The following FMN2 variants were observed in gnomAD, a reference collection of about 807,000 sequenced individuals.
The protein encoded by FMN2 is formin-2.
In FMN2, 51 loss-of-function variants were observed where a neutral mutation model predicts 142.3. That is an observed-to-expected ratio of 0.36 (90% CI 0.29 to 0.45). FMN2 has a LOEUF of 0.45. Ranked by LOEUF, FMN2 falls within the 20% of genes least tolerant of loss-of-function variation. The pLI is 1.00. For synonymous variants in FMN2, 882 were observed against 869.8 expected, an observed-to-expected ratio of 1.01 and a Z score of -0.25; for missense variants, 1,936 against 2,122.8, an observed-to-expected ratio of 0.91 and a Z score of 1.73.
At chr1:240,202,181 G>A (rs1666151281) in intron 4 of FMN2, among the ~76,000 whole-genome samples, 1 of 152,180 alleles carries the variant, frequency 6.6e-6, no homozygotes, top group Admixed American at 6.5e-5. Context: ...GGGAAGGGGA[G>A]GATGGAGATT....
At chr1:240,169,266 G>A (rs10047167) in intron 2 of FMN2, among the ~76,000 whole-genome samples, 46,632 of 151,698 alleles carry the variant, frequency 0.31, 7,647 homozygotes, top group African/African-American at 0.44. Flanking sequence ...CCTCCTACAC[G>A]AGATATTCTG....
At chr1:240,131,088 A>G (rs1354713333) in intron 2 of FMN2, among the ~76,000 whole-genome samples, 2 of 152,190 alleles carry the variant, frequency 1.3e-5, no homozygotes, top group African/African-American at 2.4e-5. Context: ...TTTCTCAACT[A>G]TGCTGCAAGC....
chr1:240,164,662 G>T (rs1057024289), intron 2 of FMN2, among the ~76,000 whole-genome samples: 1 of 152,110 alleles, frequency 6.6e-6, no homozygotes, highest in African/African-American at 2.4e-5. Context: ...CTATCTTCTA[G>T]CTTTCAATGA....
chr1:240,167,641 A>G (rs541029173), intron 2 of FMN2, among the ~76,000 whole-genome samples: 1 of 152,214 alleles, frequency 6.6e-6, no homozygotes, highest in Non-Finnish European at 1.5e-5. Context: ...AGCTGTTTTA[A>G]TGGCTATGTT....
rs780928554 is a variant in FMN2 at position 240,207,189 on chromosome 1, C to A, written c.2377C>A (p.Arg793=). The A allele has an allele frequency of 1.2e-6, 2 of 1,613,958 alleles. No individual in the cohort carries two copies. Among genetic ancestry groups the A allele is most frequent in the South Asian group, 1.1e-5 (1 of 91,076 alleles). The change falls in exon 5 of 18, where the codon CGA becomes AGA. Residue 793 remains arginine, a synonymous_variant. Transcript: ENST00000319653. ...GATTTCTTTGATTGTGTCTCCAAGG[C>A]GAATATCAGTCCAGCTCGACAGCCA... ...SEISLIVSPR[R]ISVQLDSHQP... is the part of the protein sequence containing the mutation.
At chr1:240,163,539 A>G (rs1204613872) in intron 2 of FMN2, among the ~76,000 whole-genome samples, 2 of 152,146 alleles carry the variant, frequency 1.3e-5, no homozygotes, top group Admixed American at 6.6e-5. Flanking sequence ...TTTAAAATTT[A>G]CATGTTATAT....
intron 13 of FMN2, among the ~76,000 whole-genome samples, chr1:240,336,351 C>T (rs1333333491): frequency 6.6e-6 from 1 of 151,916 alleles, no homozygotes; most frequent in African/African-American, 2.4e-5. Flanking sequence ...TGAAGGTTTA[C>T]ACTTTATGTC....
chr1:240,282,469 A>G (rs1178656821), intron 7 of FMN2, among the ~76,000 whole-genome samples: 2 of 152,360 alleles, frequency 1.3e-5, no homozygotes, highest in East Asian at 3.9e-4. Flanking sequence ...ATAGAACGCC[A>G]CTATTTAAAT....
chr1:240,374,167 G>A (rs1672965098), intron 14 of FMN2, among the ~76,000 whole-genome samples: 1 of 152,150 alleles, frequency 6.6e-6, no homozygotes, highest in Non-Finnish European at 1.5e-5. Context: ...AAACCATGCT[G>A]TAAGCAGATG....
chr1:240,431,961 TATC>T (rs1319095321), intron 15 of FMN2, among the ~76,000 whole-genome samples: 1 of 151,774 alleles, frequency 6.6e-6, no homozygotes, highest in Non-Finnish European at 1.5e-5. Flanking sequence ...TAGTTTTCCA[TATC>T]AACATCAGGG....
intron 14 of FMN2, among the ~76,000 whole-genome samples, chr1:240,364,090 T>G (rs1464970043): frequency 6.6e-6 from 1 of 152,184 alleles, no homozygotes; most frequent in African/African-American, 2.4e-5. Flanking sequence ...AATTTTACTT[T>G]CGTGACTCTT....
chr1:240,222,078 C>T (rs1221631641), intron 6 of FMN2, among the ~76,000 whole-genome samples: 2 of 147,926 alleles, frequency 1.4e-5, no homozygotes, highest in Non-Finnish European at 3.0e-5. Context: ...AGGCTGGTCT[C>T]GAACTCCTGG....
At chr1:240,290,780 G>GTTTTTTTTTTTTTTTT (rs869026471) in intron 7 of FMN2, among the ~76,000 whole-genome samples, 6 of 100,192 alleles carry the variant, frequency 6.0e-5, no homozygotes, top group Non-Finnish European at 9.3e-5. Flanking sequence ...TGTTTGTTTG[G>GTTTTTTTTTTTTTTTT]TTTTTTTTTT....
rs1676877588 is a variant in FMN2, at chr1:240,473,531, C to T, written c.5143-597C>T. Among the ~76,000 whole-genome samples, 1 of 151,944 alleles carries T rather than the reference C, an allele frequency of 6.6e-6. No homozygotes were observed. The highest frequency in any genetic ancestry group is 1.5e-5 in the Non-Finnish European group (1 of 67,972). On this transcript the variant is annotated intron_variant, in intron 17 of 17. Coordinates refer to ENST00000319653, the MANE Select transcript of FMN2 (RefSeq NM_020066.5). The surrounding 1 kb of genome is among the most constrained non-coding windows in gnomAD (Gnocchi z 4.3). ...TAAAGGGAAAAGACATTAAAATAAC[C>T]CAAATTGGGATATGATTAAATAGCC...
rs1013986011 is a variant in FMN2 at position 240,144,318 on chromosome 1, C to T, written c.1782+20973C>T. On this transcript the variant is annotated intron_variant, in intron 2 of 17. Coordinates refer to ENST00000319653, the MANE Select transcript of FMN2 (RefSeq NM_020066.5). ...CCACTGCCCCCAAACCTGTTGTTCT[C>T]TAGGTGGGTTTTGTAGATGTCATCA... 3.1e-6 allele frequency: 5 copies of T among 1,607,024 alleles called. No individual in the cohort carries two copies. In the African/African-American group the frequency reaches 6.7e-5, roughly 21 times the overall value.
intron 1 of FMN2, among the ~76,000 whole-genome samples, chr1:240,112,288 C>T (rs1049298027): frequency 4.6e-5 from 7 of 152,100 alleles, no homozygotes; most frequent in African/African-American, 1.7e-4. Context: ...CGCACCACCA[C>T]ACCCAGCTAA....
chr1:240,367,575 T>G (rs1038640645), intron 14 of FMN2, among the ~76,000 whole-genome samples: 2 of 151,966 alleles, frequency 1.3e-5, no homozygotes, highest in African/African-American at 4.8e-5. Context: ...GAGACCATCC[T>G]GGCTAACACG....
intron 2 of FMN2, among the ~76,000 whole-genome samples, chr1:240,159,925 A>G (rs368291464): frequency 0.19 from 23,578 of 126,640 alleles, 2,210 homozygotes; most frequent in Middle Eastern, 0.28. Flanking sequence ...ATATATATAT[A>G]TATATATTTG....
chr1:240,441,237 C>T (rs1467327100), intron 16 of FMN2, among the ~76,000 whole-genome samples: 1 of 152,106 alleles, frequency 6.6e-6, no homozygotes, highest in African/African-American at 2.4e-5. Flanking sequence ...TCATGATCCA[C>T]CCACCTGAGT....
Sources: gnomAD v4.1 joint callset for allele counts (sites outside exome capture counted in the v4.1 genomes callset) on GRCh38, gnomAD v4.1.1 for gene constraint, Gnocchi (gnomAD v3.1) non-coding constraint, MANE v1.5 for transcripts, NCBI Gene and HGNC (gene_info 2026-07-23, HGNC 2026-07-21) for gene names.